The following MMP26 variants were observed in gnomAD, a reference collection of about 807,000 sequenced individuals.
The protein encoded by MMP26 is matrix metallopeptidase 26.
Under a neutral mutation model 31.0 loss-of-function variants are expected in MMP26, and 33 were observed. The observed-to-expected ratio is 1.06, with a 90% confidence interval of 0.81 to 1.42. MMP26 has a LOEUF of 1.42. MMP26 is among the 40% of genes most tolerant of loss of function. MMP26 has a pLI of 0.00. For synonymous variants in MMP26, 122 were observed against 114.9 expected (o/e 1.06, Z -0.40); for missense variants, 347 against 316.1 (o/e 1.10, Z -0.74).
intron 1 of MMP26, among the ~76,000 whole-genome samples, chr11:4,762,319 T>C (rs1848578186): frequency 6.6e-6 from 1 of 152,216 alleles, no homozygotes; most frequent in South Asian, 2.1e-4. Context: ...TAAGGTTAAT[T>C]ACATATAGGA....
chr11:4,805,408 C>CA (rs1451913970), intron 2 of MMP26, among the ~76,000 whole-genome samples: 1 of 152,170 alleles, frequency 6.6e-6, no homozygotes, highest in Non-Finnish European at 1.5e-5. Flanking sequence ...TGCAGCAGAT[C>CA]AATTCAGCCA....
intron 2 of MMP26, chr11:4,907,394 G>A (rs761489530): frequency 1.2e-6 from 2 of 1,613,558 alleles, no homozygotes; most frequent in East Asian, 2.2e-5. Flanking sequence ...TAACTCCGAA[G>A]TCAAGCTTTT....
chr11:4,723,083 G>A, intron 1 of MMP26: 1 of 1,351,810 alleles, frequency 7.4e-7, no homozygotes, highest in Non-Finnish European at 1.1e-6. Context: ...CAGCTGTCAC[G>A]GCATGTTCTG....
At chr11:4,736,624 G>A (rs1432531042) in intron 1 of MMP26, 1 of 152,176 alleles carries the variant, frequency 6.6e-6, no homozygotes, top group East Asian at 1.9e-4. Flanking sequence ...TAGGGCCAGA[G>A]GCAATAGGAT....
At chr11:4,730,269 C>A (rs1413578302) in intron 1 of MMP26, among the ~76,000 whole-genome samples, 3 of 152,116 alleles carry the variant, frequency 2.0e-5, no homozygotes, top group Admixed American at 6.6e-5. Flanking sequence ...ATAGGTGCAA[C>A]CTGATTTCTC....
At chr11:4,868,621 T>C (rs1445758991) in intron 2 of MMP26, among the ~76,000 whole-genome samples, 1 of 152,114 alleles carries the variant, frequency 6.6e-6, no homozygotes, top group African/African-American at 2.4e-5. Flanking sequence ...AGAATCGATA[T>C]CACGAAAATG....
At chr11:4,961,505 C>A (rs1846520491) in intron 2 of MMP26, among the ~76,000 whole-genome samples, 1 of 152,184 alleles carries the variant, frequency 6.6e-6, no homozygotes, top group Admixed American at 6.5e-5. Context: ...GTCAAGTTGA[C>A]ACCTAAAATT....
chr11:4,797,634 A>T (rs1387059993), intron 2 of MMP26, among the ~76,000 whole-genome samples: 3 of 152,172 alleles, frequency 2.0e-5, no homozygotes, highest in Non-Finnish European at 4.4e-5. Context: ...GTAGGCCTTG[A>T]TCCTCTTTTC....
At chr11:4,765,588 C>T (rs540964017) in intron 1 of MMP26, among the ~76,000 whole-genome samples, 1 of 152,270 alleles carries the variant, frequency 6.6e-6, no homozygotes, top group East Asian at 1.9e-4. Flanking sequence ...CTGTGATAAT[C>T]GTAGCTCTGG....
intron 2 of MMP26, chr11:4,794,234 G>A (rs10742386): frequency 0.37 from 55,870 of 151,676 alleles, 11,314 homozygotes; most frequent in African/African-American, 0.52. Context: ...TGAAGCAAAA[G>A]GGCTCATTCA....
chr11:4,897,809 G>C (rs1396911674), intron 2 of MMP26, among the ~76,000 whole-genome samples: 1 of 150,214 alleles, frequency 6.7e-6, no homozygotes, highest in African/African-American at 2.4e-5. Flanking sequence ...TATTTATCCT[G>C]TATGTAATTA....
At chr11:4,970,412 G>A (rs1846649771) in intron 2 of MMP26, among the ~76,000 whole-genome samples, 1 of 152,178 alleles carries the variant, frequency 6.6e-6, no homozygotes, top group Non-Finnish European at 1.5e-5. Context: ...CCTCTGAGTG[G>A]ATAAAATATC....
chr11:4,786,304 A>G lies in MMP26; in HGVS notation c.-145+18963A>G, dbSNP rs1335726746. ...GCATGAAGAGGAATAACTGCAACTC[A>G]GAATTTAATGCCAATCCTCCCTCCA... On this transcript the variant is annotated intron_variant, in intron 2 of 7. Coordinates refer to ENST00000380390, the MANE Select transcript of MMP26 (RefSeq NM_021801.5). 2.0e-5 allele frequency among the ~76,000 whole-genome samples: 3 copies of G among 152,142 alleles called. No individual in the cohort carries two copies. In the East Asian group the frequency reaches 5.8e-4, roughly 29 times the overall value.
At chr11:4,789,142 T>C (rs1312210703) in intron 2 of MMP26, among the ~76,000 whole-genome samples, 1 of 152,172 alleles carries the variant, frequency 6.6e-6, no homozygotes, top group Non-Finnish European at 1.5e-5. Context: ...AGTTTCTAAT[T>C]TGAATGAGTG....
intron 2 of MMP26, among the ~76,000 whole-genome samples, chr11:4,960,684 A>T (rs1284528688): frequency 6.6e-6 from 1 of 152,072 alleles, no homozygotes; most frequent in African/African-American, 2.4e-5. Context: ...AACTCCAAAA[A>T]TTACAGTACC....
At chr11:4,979,865 A>T (rs907332201) in intron 2 of MMP26, among the ~76,000 whole-genome samples, 1 of 152,122 alleles carries the variant, frequency 6.6e-6, no homozygotes, top group Non-Finnish European at 1.5e-5. Context: ...ACAATAATTT[A>T]AAAAATCAGA....
chr11:4,722,091 C>A (rs1848020350), intron 1 of MMP26, among the ~76,000 whole-genome samples: 1 of 152,164 alleles, frequency 6.6e-6, no homozygotes, highest in African/African-American at 2.4e-5. Flanking sequence ...GAGGCCTCCC[C>A]AGAAGCAGAA....
At chr11:4,903,780 T>G (rs1357088341) in intron 2 of MMP26, 2 of 152,128 alleles carry the variant, frequency 1.3e-5, no homozygotes, top group African/African-American at 4.8e-5. Context: ...CTTCAGGAAC[T>G]TACTGAGCAT....
chr11:4,877,922 G>A lies in MMP26; in HGVS notation c.-144-110146G>A, dbSNP rs1382617939. ...TAAAATTTACTCACTTTGGTATATC[G>A]TTTTACAAGTTTTGACAAATGCGTT... On this transcript the variant is annotated intron_variant, in intron 2 of 7. Transcript: ENST00000380390. 3.9e-5 allele frequency: 6 copies of A among 151,982 alleles called. 1 individual carries two copies. The highest frequency in any genetic ancestry group is 1.2e-4 in the African/African-American group (5 of 41,404). 9.4% of individuals were successfully genotyped at this position (151,982 alleles called of 1,614,324 possible).
Sources: gnomAD v4.1 joint callset for allele counts (sites outside exome capture counted in the v4.1 genomes callset) on GRCh38, gnomAD v4.1.1 for gene constraint, MANE v1.5 for transcripts, NCBI Gene and HGNC (gene_info 2026-07-23, HGNC 2026-07-21) for gene names.